Variants in RNF14 observed in about 807,000 individuals in gnomAD.
RNF14 encodes the protein ring finger protein 14, also known as E3 ubiquitin-protein ligase RNF14.
RNF14 carries 26 observed loss-of-function variants against 52.6 expected under a neutral mutation model. That is an observed-to-expected ratio of 0.49 (90% CI 0.36 to 0.69). The LOEUF is 0.69. Ranked by LOEUF, RNF14 falls within the 30% of genes least tolerant of loss-of-function variation. RNF14 has a pLI of 0.00. For synonymous variants in RNF14, 194 were observed against 202.0 expected (o/e 0.96, Z 0.34); for missense variants, 404 against 560.4 (o/e 0.72, Z 2.82).
intron 3 of RNF14, among the ~76,000 whole-genome samples, chr5:141,974,482 C>T (rs1754070842): frequency 6.6e-6 from 1 of 152,210 alleles, no homozygotes; most frequent in Non-Finnish European, 1.5e-5. Context: ...CTTCAATCAT[C>T]CACTGTAAAC....
intron 2 of RNF14, among the ~76,000 whole-genome samples, chr5:141,972,635 G>T (rs1410181596): frequency 6.6e-6 from 1 of 152,100 alleles, no homozygotes; most frequent in Non-Finnish European, 1.5e-5. Context: ...CTGTCGCCCA[G>T]GCTGGAGTGC....
intron 7 of RNF14, 39 bp downstream of exon 7, chr5:141,983,591 G>GC (rs1247238324): frequency 6.4e-7 from 1 of 1,557,334 alleles, no homozygotes; most frequent in Non-Finnish European, 8.7e-7. Flanking sequence ...CATCAGACTT[G>GC]CAAGGATGTT....
chr5:141,968,958 T>C (rs1400250842), upstream of RNF14: 1 of 152,072 alleles, frequency 6.6e-6, no homozygotes, highest in Non-Finnish European at 1.5e-5. Context: ...TCGCAGTAAG[T>C]GGGGGTGACG....
chr5:141,986,800 C>T (rs1755273727), intron 8 of RNF14, among the ~76,000 whole-genome samples: 1 of 152,176 alleles, frequency 6.6e-6, no homozygotes, highest in African/African-American at 2.4e-5. Flanking sequence ...GCCAGATATA[C>T]ATATTCAGTA....
chr5:141,958,360 A>T lies in RNF14; in HGVS notation c.-246A>T, dbSNP rs923007220. ...GAGGCCGGGGCTCCGGGGACAGGCC[A>T]GATGGGAAGCTGCTGTCCACGCAGC... is the stretch of plus-strand genomic sequence containing the variant. On this transcript the variant is annotated 5_prime_UTR_variant, in exon 1 of 5. Transcript: ENST00000506822. The T allele has an allele frequency of 1.3e-4, 21 of 156,626 alleles. 1 individual carries two copies. Among genetic ancestry groups the T allele is most frequent in the Admixed American group, 3.6e-4 (6 of 16,458 alleles). The allele number at this position is 156,626 out of a possible 1,614,324, so 9.7% of individuals were successfully genotyped here.
At chr5:141,957,221 C>G, upstream of RNF14, 8 of 1,614,002 alleles carry the variant, frequency 5.0e-6, no homozygotes, top group Non-Finnish European at 6.8e-6. The surrounding 1 kb of genome is among the most constrained non-coding windows in gnomAD (Gnocchi z 4.3). Context: ...AACACCAGAT[C>G]AAAAAATGAA....
At chr5:141,960,688 C>T (rs762004015) in intron 1 of RNF14, among the ~76,000 whole-genome samples, 9 of 152,212 alleles carry the variant, frequency 5.9e-5, no homozygotes, top group Non-Finnish European at 1.0e-4. Flanking sequence ...TACCTACATC[C>T]TCTCATGACG....
upstream of RNF14, among the ~76,000 whole-genome samples, chr5:141,965,497 C>T (rs252141): frequency 0.61 from 92,140 of 152,002 alleles, 29,448 homozygotes; most frequent in East Asian, 0.98. Flanking sequence ...GTCATAAACT[C>T]GAATCCTAAC....
chr5:141,968,338 C>A (rs1753432009), upstream of RNF14, among the ~76,000 whole-genome samples: 1 of 152,116 alleles, frequency 6.6e-6, no homozygotes, highest in African/African-American at 2.4e-5. Context: ...ATCTCCTGAC[C>A]TCGTGATCCA....
At chr5:141,949,946 A>G in the RNF14 span, among the ~76,000 whole-genome samples, 1 of 152,206 alleles carries the variant, frequency 6.6e-6, no homozygotes, top group East Asian at 1.9e-4. Context: ...ATTGCCTGGC[A>G]CACAGGAGGA....
upstream of RNF14, among the ~76,000 whole-genome samples, chr5:141,968,581 G>C (rs145818673): frequency 1.9e-3 from 295 of 152,300 alleles, no homozygotes; most frequent in African/African-American, 6.8e-3. Flanking sequence ...TATTTGTAAA[G>C]TGAGAATAAC....
chr5:141,974,091 T>G (rs796455634), intron 3 of RNF14, among the ~76,000 whole-genome samples: 19 of 152,366 alleles, frequency 1.2e-4, no homozygotes, highest in African/African-American at 3.4e-4. Context: ...TGGTGGTGGT[T>G]AATACTATTT....
chr5:141,954,377 G>A (rs1753140538), upstream of RNF14, among the ~76,000 whole-genome samples: 1 of 152,242 alleles, frequency 6.6e-6, no homozygotes, highest in South Asian at 2.1e-4. Context: ...GCAAATAGTG[G>A]AGATGGAGAA....
rs2127044919 is a variant in RNF14 at position 141,983,511 on chromosome 5, A to AG, written c.1195_1196insG (p.Lys399ArgfsTer20). 6.2e-7 allele frequency: 1 copy of AG among 1,612,430 alleles called. No homozygotes were observed. The highest frequency in any genetic ancestry group is 2.2e-5 in the East Asian group (1 of 44,846). On this transcript the variant is annotated frameshift_variant, in exon 7 of 9. Coordinates refer to ENST00000394520, the MANE Select transcript of RNF14 (RefSeq NM_004290.5). LOFTEE classifies it high-confidence loss of function. ...GATGGAAAGTAAGGAGTGGCTAGAGAAGAACTCAAAGAGCTGCCCATGTTG... is the reference window on the plus strand; with the variant it reads ...GATGGAAAGTAAGGAGTGGCTAGAGAGAGAACTCAAAGAGCTGCCCATGTTG...
the RNF14 span, chr5:141,952,320 C>G: frequency 6.6e-6 from 1 of 152,396 alleles, no homozygotes; most frequent in South Asian, 2.1e-4. Context: ...CAACTTGGAG[C>G]AGGGAGGAAG....
intron 4 of RNF14, 140 bp downstream of exon 4, chr5:141,975,095 G>A: frequency 1.2e-6 from 1 of 813,512 alleles, no homozygotes; most frequent in East Asian, 2.7e-5. Context: ...CCCTTGCCTT[G>A]GTGAATCCTG....
chr5:141,954,613 T>G (rs2126926138), upstream of RNF14, among the ~76,000 whole-genome samples: 1 of 152,332 alleles, frequency 6.6e-6, no homozygotes, highest in African/African-American at 2.4e-5. Context: ...TGCCCAAAGC[T>G]TATACTCTTA....
the RNF14 span, chr5:141,951,591 C>T: frequency 6.2e-7 from 1 of 1,613,174 alleles, no homozygotes; most frequent in Admixed American, 1.7e-5. Flanking sequence ...GGGAGATTTG[C>T]TACAAGACAG....
At chr5:141,964,636 CAG>C (rs1753302669), upstream of RNF14, among the ~76,000 whole-genome samples, 1 of 152,054 alleles carries the variant, frequency 6.6e-6, no homozygotes. Flanking sequence ...TTTTTTGAGA[CAG>C]AGTCTCATTC....
Sources: allele counts gnomAD v4.1 joint callset (sites outside exome capture counted in the v4.1 genomes callset), GRCh38; gene constraint gnomAD v4.1.1; non-coding constraint Gnocchi (gnomAD v3.1); transcripts MANE v1.5; gene names NCBI Gene and HGNC (gene_info 2026-07-23, HGNC 2026-07-21).